The following NDUFA7 variants were observed in gnomAD, a reference collection of about 807,000 sequenced individuals.
NDUFA7 encodes the protein NADH:ubiquinone oxidoreductase subunit A7.
NDUFA7 carries 18 observed loss-of-function variants against 14.2 expected under a neutral mutation model. That is an observed-to-expected ratio of 1.27 (90% confidence interval 0.88 to 1.88). NDUFA7 has a LOEUF of 1.88. Among genes scored for constraint, NDUFA7 ranks in the 40% most tolerant of loss-of-function variants. The pLI is 0.00. For synonymous variants in NDUFA7, 75 were observed against 62.1 expected (o/e 1.21, Z -0.98); for missense variants, 172 against 147.3 (o/e 1.17, Z -0.87).
intron 2 of NDUFA7, among the ~76,000 whole-genome samples, chr19:8,320,144 G>A (rs1970284823): frequency 6.6e-6 from 1 of 152,130 alleles, no homozygotes; most frequent in South Asian, 2.1e-4. Flanking sequence ...GTGAGCCACC[G>A]CGCCCGGTCA....
intron 3 of NDUFA7, 42 bp downstream of exon 3, chr19:8,316,454 G>C: frequency 1.9e-6 from 3 of 1,604,100 alleles, no homozygotes; most frequent in East Asian, 2.2e-5. Flanking sequence ...GGTTGCAGGA[G>C]GGGGCATGGG....
In NDUFA7 at chr19:8,311,458, G is replaced by A; in HGVS notation, c.*47C>T. On this transcript the variant is annotated 3_prime_UTR_variant, in exon 4 of 4. Transcript: ENST00000301457. ...TAAATTAGGTCACATTCTCCCTGGA[G>A]GAAATCCAAGGAGGCAAAGTAGTCG... 1 of 1,440,846 alleles carries A rather than the reference G, an allele frequency of 6.9e-7. No individual in the cohort carries two copies. The highest frequency in any genetic ancestry group is 1.9e-5 in the Admixed American group (1 of 51,404). 89.3% of individuals were successfully genotyped at this position (1,440,846 alleles called of 1,614,324 possible).
downstream of NDUFA7, among the ~76,000 whole-genome samples, chr19:8,310,259 G>A (rs754027976): frequency 2.7e-4 from 41 of 151,850 alleles, no homozygotes; most frequent in Non-Finnish European, 5.1e-4. Flanking sequence ...GCGAAACCCC[G>A]TCTCTACTAA....
chr19:8,313,665 C>T (rs560130756), intron 3 of NDUFA7, among the ~76,000 whole-genome samples: 3 of 152,318 alleles, frequency 2.0e-5, no homozygotes, highest in East Asian at 3.9e-4. Flanking sequence ...CTGCCCACAC[C>T]GTGAGTTGGC....
At chr19:8,318,224 C>G (rs1240288332) in intron 2 of NDUFA7, among the ~76,000 whole-genome samples, 1 of 151,754 alleles carries the variant, frequency 6.6e-6, no homozygotes, top group East Asian at 1.9e-4. Context: ...GATCTCGGCT[C>G]ACTGCAACCT....
chr19:8,314,602 C>T (rs111283880), intron 3 of NDUFA7, among the ~76,000 whole-genome samples: 9 of 151,770 alleles, frequency 5.9e-5, no homozygotes, highest in Admixed American at 2.0e-4. Context: ...CCCATCTCTA[C>T]GAAACATTTA....
intron 2 of NDUFA7, 98 bp downstream of exon 2, chr19:8,320,759 G>GT: frequency 1.4e-6 from 2 of 1,439,868 alleles, no homozygotes; most frequent in Non-Finnish European, 1.9e-6. Context: ...GTGGCAGGAT[G>GT]TCAGCCCTCC....
chr19:8,321,351 G>A lies in NDUFA7; in HGVS notation c.8C>T (p.Ser3Phe), dbSNP rs1204773991. Residue 3 changes from serine (S) to phenylalanine (F), a missense_variant, in exon 1 of 4, where the codon TCC (serine) becomes TTC (phenylalanine). Transcript: ENST00000301457. ...CAGCCGCTGGATGAGACGGGTGGCG[G>A]ACGCCATCTTCCGTCCGCGATACTG... is the stretch of plus-strand genomic sequence containing the variant. MA[S>F]ATRLIQRLRN... The A allele has an allele frequency of 3.8e-6, 6 of 1,576,358 alleles. No individual in the cohort carries two copies. The highest frequency in any genetic ancestry group is 4.6e-5 in the East Asian group (2 of 43,104).
chr19:8,317,016 T>C (rs1042110886), intron 2 of NDUFA7, among the ~76,000 whole-genome samples: 4 of 152,086 alleles, frequency 2.6e-5, no homozygotes, highest in African/African-American at 9.7e-5. Flanking sequence ...TCTGAGTGGC[T>C]TTTTCCCCTA....
intron 2 of NDUFA7, among the ~76,000 whole-genome samples, chr19:8,317,097 G>A (rs144359175): frequency 1.3e-5 from 2 of 152,260 alleles, no homozygotes; most frequent in Non-Finnish European, 2.9e-5. Flanking sequence ...CTAGGATCAA[G>A]GCCCATTATT....
rs4147647 is a variant in NDUFA7 at position 8,321,175 on chromosome 19, T to G, written c.51+133A>C. On this transcript the variant is annotated intron_variant, in intron 1 of 3. Coordinates refer to ENST00000301457, the MANE Select transcript of NDUFA7 (RefSeq NM_005001.5). ...GAGGGTCCCGGGCTGAAGGGGTGAC[T>G]AGCTGGGGGTTCCCAGGGAGATTCG... 80,341 of 1,178,274 alleles carry G rather than the reference T, an allele frequency of 0.068. 8,063 individuals carry two copies. The highest frequency in any genetic ancestry group is 0.42 in the African/African-American group (27,068 of 64,600). The allele number at this position is 1,178,274 out of a possible 1,614,324, so 73.0% of individuals were successfully genotyped here.
chr19:8,312,493 C>G (rs560591502), intron 3 of NDUFA7, among the ~76,000 whole-genome samples: 8 of 152,262 alleles, frequency 5.3e-5, no homozygotes, highest in Admixed American at 2.6e-4. Flanking sequence ...TGAGTTCCTT[C>G]TTTTTGAGAC....
intron 1 of NDUFA7, 161 bp downstream of exon 1, chr19:8,321,147 G>GGA: frequency 9.8e-7 from 1 of 1,018,204 alleles, no homozygotes; most frequent in Non-Finnish European, 1.4e-6. Context: ...TCCCAGGCCA[G>GGA]GAGAGGGTCC....
At chr19:8,321,026 A>G (rs186153287) in intron 1 of NDUFA7, 120 bp from the exon 2 acceptor site, 2 of 1,149,000 alleles carry the variant, frequency 1.7e-6, no homozygotes, top group South Asian at 2.6e-5. Flanking sequence ...GGGGATGAAC[A>G]CTCGGGGAAA....
chr19:8,310,989 G>C (rs1970170540), downstream of NDUFA7, among the ~76,000 whole-genome samples: 1 of 152,308 alleles, frequency 6.6e-6, no homozygotes, highest in African/African-American at 2.4e-5. Flanking sequence ...GTTCCAGCCT[G>C]GGTGACAAGC....
Position 8,316,546 on chromosome 19 carries a change from G to C in NDUFA7, c.201C>G (p.Ser67=), listed in dbSNP as rs1568563659. 6.2e-7 allele frequency: 1 copy of C among 1,614,040 alleles called. No individual in the cohort carries two copies. The highest frequency in any genetic ancestry group is 8.5e-7 in the Non-Finnish European group (1 of 1,180,038). The change falls in exon 3 of 4, where the codon TCC becomes TCG. Residue 67 remains serine (S), a synonymous_variant. Transcript: ENST00000301457. ...GCGCCTTCTGCGACGACATGATGAT[G>C]GAAGGGGGCACAGATTCCCGGCGGC... ...RDGRRESVPP[S]IIMSSQKALV...
At chr19:8,310,777 A>T (rs1970167648), downstream of NDUFA7, 1 of 152,118 alleles carries the variant, frequency 6.6e-6, no homozygotes, top group Non-Finnish European at 1.5e-5. Context: ...TCACACCTGT[A>T]ATCCCAACAC....
downstream of NDUFA7, chr19:8,310,506 G>A (rs1404338019): frequency 3.3e-5 from 5 of 151,516 alleles, no homozygotes; most frequent in East Asian, 9.7e-4. Flanking sequence ...CCACCTGACT[G>A]GTCTTCACAA....
chr19:8,318,835 G>A (rs2145398651), intron 2 of NDUFA7, among the ~76,000 whole-genome samples: 1 of 151,756 alleles, frequency 6.6e-6, no homozygotes, highest in African/African-American at 2.4e-5. Context: ...GCTGGGTGTG[G>A]TGGTGCACGC....
Sources: gnomAD v4.1 joint callset for allele counts (sites outside exome capture counted in the v4.1 genomes callset) on GRCh38, gnomAD v4.1.1 for gene constraint, MANE v1.5 for transcripts, NCBI Gene and HGNC (gene_info 2026-07-23, HGNC 2026-07-21) for gene names.